The following RAP1A variants were observed in gnomAD, a reference collection of about 807,000 sequenced individuals.
RAP1A encodes ras-related protein Rap-1A.
Under a neutral mutation model 26.4 loss-of-function variants are expected in RAP1A, and 6 were observed. The observed-to-expected ratio is 0.23, with a 90% CI of 0.12 to 0.45. RAP1A has a LOEUF of 0.45. Ranked by LOEUF, RAP1A falls within the 20% of genes least tolerant of loss-of-function variation. The pLI is 0.99. For missense variants in RAP1A, 121 were observed against 217.2 expected, an observed-to-expected ratio of 0.56 and a Z score of 2.78; for synonymous variants, 73 against 79.4, an observed-to-expected ratio of 0.92 and a Z score of 0.43.
At chr1:111,543,376 A>G (rs1448448515) in intron 1 of RAP1A, among the ~76,000 whole-genome samples, 2 of 152,160 alleles carry the variant, frequency 1.3e-5, no homozygotes, top group African/African-American at 4.8e-5. Flanking sequence ...CCAAAAGGGA[A>G]AAACCATCCT....
At chr1:111,685,432 AAAG>A (rs916798607) in intron 1 of RAP1A, among the ~76,000 whole-genome samples, 12 of 47,986 alleles carry the variant, frequency 2.5e-4, no homozygotes, top group African/African-American at 5.8e-4. Flanking sequence ...TTTACAAAAA[AAAG>A]AAACAACCTC....
In RAP1A at chr1:111,704,593, C is replaced by G. The variant is rs574405353; in HGVS notation, c.468+107C>G. On this transcript the variant is annotated intron_variant, in intron 6 of 7. Coordinates refer to ENST00000369709, the MANE Select transcript of RAP1A (RefSeq NM_002884.4). ...TTTTATCTTTTAAGCAATCTTGATTCCATAATTTTATAGGAAACACTAAGT... is the reference window on the plus strand; with the variant it reads ...TTTTATCTTTTAAGCAATCTTGATTGCATAATTTTATAGGAAACACTAAGT... 89 of 1,190,726 alleles carry G rather than the reference C, an allele frequency of 7.5e-5. No individual in the cohort carries two copies. The African/African-American group carries it at 1.2e-3, about 16-fold the overall frequency. The allele number at this position is 1,190,726 out of a possible 1,614,324, so 73.8% of individuals were successfully genotyped here.
At chr1:111,603,220 T>C (rs1658704745) in intron 1 of RAP1A, among the ~76,000 whole-genome samples, 1 of 152,232 alleles carries the variant, frequency 6.6e-6, no homozygotes, top group Admixed American at 6.5e-5. Context: ...AAAAAGCCAC[T>C]TCCCAGAGAC....
chr1:111,635,308 T>C (rs975914991), intron 1 of RAP1A, among the ~76,000 whole-genome samples: 2 of 152,224 alleles, frequency 1.3e-5, no homozygotes, highest in South Asian at 2.1e-4. Context: ...TTTAAACTTA[T>C]TTATATAAAT....
intron 1 of RAP1A, among the ~76,000 whole-genome samples, chr1:111,606,307 G>A (rs1230784883): frequency 6.6e-6 from 1 of 151,874 alleles, no homozygotes; most frequent in Admixed American, 6.6e-5. Flanking sequence ...TCTAAAACTG[G>A]GTTCTCGTCA....
intron 1 of RAP1A, among the ~76,000 whole-genome samples, chr1:111,666,547 A>T (rs1660800586): frequency 6.6e-6 from 1 of 152,210 alleles, no homozygotes; most frequent in Non-Finnish European, 1.5e-5. Context: ...ATAGAATGTA[A>T]ATTAGGTTTT....
At chr1:111,642,371 A>C (rs192832492) in intron 1 of RAP1A, among the ~76,000 whole-genome samples, 29 of 152,352 alleles carry the variant, frequency 1.9e-4, no homozygotes, top group Admixed American at 3.9e-4. Context: ...TAAATGTACA[A>C]TAAATAACAG....
At chr1:111,617,589 C>T (rs1248033328), upstream of RAP1A, among the ~76,000 whole-genome samples, 8 of 152,012 alleles carry the variant, frequency 5.3e-5, no homozygotes, top group East Asian at 2.0e-4. Flanking sequence ...CCTGCCACCA[C>T]GCCTGGCTAA....
intron 1 of RAP1A, among the ~76,000 whole-genome samples, chr1:111,588,224 T>C (rs932549213): frequency 2.0e-5 from 3 of 152,198 alleles, no homozygotes; most frequent in Non-Finnish European, 4.4e-5. Context: ...TACTTAGGCT[T>C]TTAGAGCCTG....
chr1:111,649,190 G>A (rs1411439727), intron 1 of RAP1A: 3 of 523,124 alleles, frequency 5.7e-6, no homozygotes, highest in African/African-American at 3.8e-5. Context: ...CGATGGTCTT[G>A]AAGTAATGGC....
At chr1:111,549,384 C>T (rs568187260) in intron 1 of RAP1A, among the ~76,000 whole-genome samples, 14 of 148,776 alleles carry the variant, frequency 9.4e-5, no homozygotes, top group Admixed American at 2.0e-4. Context: ...CACGGTGGCT[C>T]ACGCTTGTAA....
chr1:111,596,598 CAT>C (rs1186650422), intron 1 of RAP1A, among the ~76,000 whole-genome samples: 1 of 152,162 alleles, frequency 6.6e-6, no homozygotes, highest in Admixed American at 6.5e-5. Context: ...AACAGAATGC[CAT>C]AGAGTGGGTA....
At chr1:111,546,301 G>C (rs1476183101) in intron 1 of RAP1A, among the ~76,000 whole-genome samples, 1 of 152,070 alleles carries the variant, frequency 6.6e-6, no homozygotes, top group African/African-American at 2.4e-5. Context: ...TATTTTAACT[G>C]TACAGCTCAG....
intron 1 of RAP1A, among the ~76,000 whole-genome samples, chr1:111,665,515 C>G (rs1346966979): frequency 6.6e-6 from 1 of 152,138 alleles, no homozygotes; most frequent in Non-Finnish European, 1.5e-5. Flanking sequence ...TAAATTTTTT[C>G]TGCATGGTTT....
intron 1 of RAP1A, among the ~76,000 whole-genome samples, chr1:111,545,777 G>T (rs58306714): frequency 0.33 from 49,816 of 151,894 alleles, 9,421 homozygotes; most frequent in Non-Finnish European, 0.44. Context: ...TTATTTGATC[G>T]ATTTTTACTT....
intron 1 of RAP1A, among the ~76,000 whole-genome samples, chr1:111,672,589 G>A (rs778871107): frequency 4.5e-4 from 69 of 152,090 alleles, no homozygotes; most frequent in Non-Finnish European, 8.2e-4. Context: ...CCAAAGTGGT[G>A]ACTGCACGGC....
intron 1 of RAP1A, among the ~76,000 whole-genome samples, chr1:111,665,562 A>T (rs756564994): frequency 3.3e-5 from 5 of 152,226 alleles, no homozygotes; most frequent in Non-Finnish European, 5.9e-5. Flanking sequence ...TAATAGTTAT[A>T]CTGAAGAATA....
chr1:111,558,690 T>G (rs1241092682), intron 1 of RAP1A, among the ~76,000 whole-genome samples: 1 of 152,206 alleles, frequency 6.6e-6, no homozygotes, highest in Non-Finnish European at 1.5e-5. Context: ...TCAATGTTTT[T>G]ATTTCCCAGG....
chr1:111,622,063 T>C (rs971297358), intron 1 of RAP1A, among the ~76,000 whole-genome samples: 1 of 152,224 alleles, frequency 6.6e-6, no homozygotes, highest in East Asian at 1.9e-4. Context: ...AAAAGGAAAC[T>C]ACTTGCCCAA....
Sources: allele counts gnomAD v4.1 joint callset (sites outside exome capture counted in the v4.1 genomes callset), GRCh38; gene constraint gnomAD v4.1.1; transcripts MANE v1.5; gene names NCBI Gene and HGNC (gene_info 2026-07-23, HGNC 2026-07-21).